SPMIP2: variants seen among roughly 807,000 people sequenced by gnomAD.
The protein encoded by SPMIP2 is protein SPMIP2.
At chr4:159,035,696 C>A in the SPMIP2 span, among the ~76,000 whole-genome samples, 1 of 152,310 alleles carries the variant, frequency 6.6e-6, no homozygotes, top group South Asian at 2.1e-4. Context: ...CTGTGGTTCT[C>A]AATCTGTGCA....
chr4:158,998,060 C>T, the SPMIP2 span, among the ~76,000 whole-genome samples: 1 of 151,988 alleles, frequency 6.6e-6, no homozygotes, highest in African/African-American at 2.4e-5. Flanking sequence ...CAATCTCTAT[C>T]ACAACTCCTC....
chr4:159,048,623 A>G, the SPMIP2 span, among the ~76,000 whole-genome samples: 3 of 152,032 alleles, frequency 2.0e-5, no homozygotes, highest in East Asian at 5.8e-4. Flanking sequence ...CCCACATTCA[A>G]TATACACAAG....
At chr4:159,050,289 G>A in the SPMIP2 span, among the ~76,000 whole-genome samples, 1 of 150,728 alleles carries the variant, frequency 6.6e-6, no homozygotes, top group South Asian at 2.1e-4. Flanking sequence ...CCTAACTTGA[G>A]GACAGGCCTG....
At chr4:159,015,399 T>C in the SPMIP2 span, among the ~76,000 whole-genome samples, 1 of 152,212 alleles carries the variant, frequency 6.6e-6, no homozygotes, top group Non-Finnish European at 1.5e-5. Context: ...TAGTTCAGTT[T>C]TTAAAATACA....
chr4:159,073,311 GC>G, the SPMIP2 span, among the ~76,000 whole-genome samples: 1 of 152,020 alleles, frequency 6.6e-6, no homozygotes, highest in Non-Finnish European at 1.5e-5. Context: ...ACGCCACCAT[GC>G]CCGGCTAAAA....
the SPMIP2 span, among the ~76,000 whole-genome samples, chr4:159,052,610 CTATTATTATTATTATTATTATTTTAT>C: frequency 6.7e-6 from 1 of 149,232 alleles, no homozygotes; most frequent in Admixed American, 6.7e-5. Flanking sequence ...TATCTCAAGA[CTATTATTATTATTATTATTATTTTAT>C]TATTATTATT....
the SPMIP2 span, among the ~76,000 whole-genome samples, chr4:158,941,111 C>A: frequency 6.6e-6 from 1 of 151,582 alleles, no homozygotes; most frequent in Admixed American, 6.6e-5. Flanking sequence ...CAGAGAATAG[C>A]GCCAGAAAAA....
chr4:158,953,974 G>A, the SPMIP2 span, among the ~76,000 whole-genome samples: 1 of 152,180 alleles, frequency 6.6e-6, no homozygotes, highest in Non-Finnish European at 1.5e-5. Context: ...CAGGCTCATA[G>A]GCAGAAGGGA....
chr4:158,955,753 C>T, the SPMIP2 span, among the ~76,000 whole-genome samples: 1 of 150,618 alleles, frequency 6.6e-6, no homozygotes, highest in Admixed American at 6.6e-5. Context: ...CACTGGAGGC[C>T]AAAAAAAAGG....
chr4:158,900,443 G>C, the SPMIP2 span, among the ~76,000 whole-genome samples: 1 of 152,162 alleles, frequency 6.6e-6, no homozygotes, highest in Admixed American at 6.5e-5. Context: ...GGGTGTTAAA[G>C]TCTCCCATTA....
the SPMIP2 span, among the ~76,000 whole-genome samples, chr4:158,984,033 CAA>C: frequency 4.4e-5 from 5 of 112,976 alleles, no homozygotes; most frequent in Non-Finnish European, 9.0e-5. Context: ...CAACAAAGAT[CAA>C]AAGAGACAAA....
At chr4:159,004,447 C>T in the SPMIP2 span, among the ~76,000 whole-genome samples, 80 of 151,880 alleles carry the variant, frequency 5.3e-4, 1 homozygote, top group Admixed American at 1.6e-3. Flanking sequence ...CATGACACCA[C>T]GCCCTACTAA....
chr4:159,008,584 T>A, the SPMIP2 span, among the ~76,000 whole-genome samples: 1 of 151,974 alleles, frequency 6.6e-6, no homozygotes, highest in Non-Finnish European at 1.5e-5. Flanking sequence ...AAAAAAAAAT[T>A]GAGATAATTC....
At chr4:159,021,272 A>G in the SPMIP2 span, among the ~76,000 whole-genome samples, 6 of 152,374 alleles carry the variant, frequency 3.9e-5, no homozygotes, top group African/African-American at 1.2e-4. Flanking sequence ...CACAGGCACA[A>G]TAAGAGGCAG....
the SPMIP2 span, among the ~76,000 whole-genome samples, chr4:159,036,295 G>C: frequency 6.6e-6 from 1 of 152,220 alleles, no homozygotes; most frequent in South Asian, 2.1e-4. Flanking sequence ...TTCAAGGAAG[G>C]CTTGTAGCCC....
the SPMIP2 span, among the ~76,000 whole-genome samples, chr4:159,057,712 A>G: frequency 2.6e-5 from 4 of 152,248 alleles, no homozygotes; most frequent in African/African-American, 9.6e-5. Context: ...AAATGTATTA[A>G]AATGAAAAAC....
At chr4:158,965,325 A>T in the SPMIP2 span, among the ~76,000 whole-genome samples, 3 of 151,930 alleles carry the variant, frequency 2.0e-5, no homozygotes, top group Non-Finnish European at 4.4e-5. Flanking sequence ...ATGACCAGCC[A>T]TTCTGATTCA....
the SPMIP2 span, among the ~76,000 whole-genome samples, chr4:158,952,618 C>T: frequency 6.6e-6 from 1 of 152,160 alleles, no homozygotes; most frequent in South Asian, 2.1e-4. Flanking sequence ...GAAGCAACTT[C>T]GAAACTGGGT....
the SPMIP2 span, among the ~76,000 whole-genome samples, chr4:158,947,797 T>C: frequency 2.0e-5 from 3 of 152,068 alleles, no homozygotes; most frequent in Admixed American, 2.0e-4. Flanking sequence ...TAATAAAATA[T>C]CCAGAAAGAG....
Sources: gnomAD v4.1 joint callset for allele counts (sites outside exome capture counted in the v4.1 genomes callset) on GRCh38, gnomAD v4.1.1 for gene constraint, MANE v1.5 for transcripts, NCBI Gene and HGNC (gene_info 2026-07-23, HGNC 2026-07-21) for gene names.